Variants in CCT3 observed in about 807,000 individuals in gnomAD.
The protein encoded by CCT3 is chaperonin containing TCP1 subunit 3, also known as T-complex protein 1 subunit gamma.
In CCT3, 10 loss-of-function variants were observed where a neutral mutation model predicts 65.3. The observed-to-expected ratio is 0.15, with a 90% confidence interval of 0.09 to 0.26. The LOEUF is 0.26. Ranked by LOEUF, CCT3 falls within the 10% of genes least tolerant of loss-of-function variation. The pLI, the probability that CCT3 is intolerant of heterozygous loss-of-function variation, is 1.00. For missense variants in CCT3, 626 were observed against 708.7 expected (o/e 0.88, Z 1.33); for synonymous variants, 225 against 242.3 (o/e 0.93, Z 0.66).
intron 6 of CCT3, among the ~76,000 whole-genome samples, chr1:156,324,546 A>C (rs979887209): frequency 1.3e-5 from 2 of 152,036 alleles, no homozygotes; most frequent in Non-Finnish European, 2.9e-5. Context: ...ATCTTGGCTC[A>C]CTGCAATCTC....
intron 6 of CCT3, among the ~76,000 whole-genome samples, chr1:156,322,435 A>G (rs560807079): frequency 6.6e-6 from 1 of 152,140 alleles, no homozygotes; most frequent in East Asian, 1.9e-4. Context: ...CGGAGGTTGC[A>G]GTGAGCCGAG....
chr1:156,320,922 C>A lies in CCT3; in HGVS notation c.526G>T (p.Ala176Ser), dbSNP rs1286676171. The change falls in exon 7 of 14, where the codon GCC (alanine) becomes TCC (serine). Residue 176 changes from alanine to serine, a missense_variant. Coordinates refer to ENST00000295688, the MANE Select transcript of CCT3 (RefSeq NM_005998.5). ...SRWSSLACNI[A>S]LDAVKMVQFE... Reference sequence around the variant, plus strand: ...TGTACCATCTTGACAGCATCCAGGGCAATGTTGCAAGCCAAAGATGACCAC... The same window carrying A: ...TGTACCATCTTGACAGCATCCAGGGAAATGTTGCAAGCCAAAGATGACCAC... 1.9e-6 allele frequency: 3 copies of A among 1,613,932 alleles called. No homozygotes were observed. The highest frequency in any genetic ancestry group is 2.5e-6 in the Non-Finnish European group (3 of 1,179,836).
intron 7 of CCT3, among the ~76,000 whole-genome samples, chr1:156,319,927 T>G (rs1259752400): frequency 6.6e-6 from 1 of 152,150 alleles, no homozygotes; most frequent in Non-Finnish European, 1.5e-5. Context: ...CCTGACCAAA[T>G]GACTGATGTA....
At chr1:156,320,145 C>A (rs1265665326) in intron 7 of CCT3, among the ~76,000 whole-genome samples, 1 of 152,134 alleles carries the variant, frequency 6.6e-6, no homozygotes, top group Non-Finnish European at 1.5e-5. Flanking sequence ...AGTGGCTCAC[C>A]CTATAATCCC....
intron 10 of CCT3, 105 bp from the exon 11 acceptor site, chr1:156,312,326 T>C (rs1249698476): frequency 1.9e-6 from 2 of 1,053,306 alleles, no homozygotes; most frequent in Non-Finnish European, 2.7e-6. Flanking sequence ...AAGTGGATTG[T>C]TGGAAACATC....
At chr1:156,331,267 T>C (rs183609670) in intron 5 of CCT3, among the ~76,000 whole-genome samples, 97 of 151,358 alleles carry the variant, frequency 6.4e-4, no homozygotes, top group African/African-American at 1.5e-3. Flanking sequence ...AGGCAGGAGA[T>C]TGCTTGAGCC....
chr1:156,321,137 G>T, intron 6 of CCT3, 112 bp from the exon 7 acceptor site: 1 of 834,586 alleles, frequency 1.2e-6, no homozygotes. Context: ...AGAACAAGGG[G>T]ATTTGTTCCT....
At chr1:156,331,309 G>C (rs1284618793) in intron 5 of CCT3, among the ~76,000 whole-genome samples, 1 of 151,150 alleles carries the variant, frequency 6.6e-6, no homozygotes, top group African/African-American at 2.4e-5. Flanking sequence ...GGCAACATGA[G>C]ACCCCATCTC....
chr1:156,329,303 C>CTTTTTTTT (rs765770849), intron 5 of CCT3, among the ~76,000 whole-genome samples: 2 of 119,544 alleles, frequency 1.7e-5, no homozygotes, highest in South Asian at 2.9e-4. Flanking sequence ...GTATCCCCAT[C>CTTTTTTTT]TTTTTTTTTT....
chr1:156,326,150 A>G (rs1664795052), intron 5 of CCT3, among the ~76,000 whole-genome samples: 1 of 151,878 alleles, frequency 6.6e-6, no homozygotes, highest in Non-Finnish European at 1.5e-5. Context: ...CCTGAGAAAC[A>G]TAGCAAAACC....
chr1:156,313,690 C>T (rs946571187), intron 10 of CCT3, among the ~76,000 whole-genome samples: 2 of 152,128 alleles, frequency 1.3e-5, no homozygotes, highest in Admixed American at 1.3e-4. Flanking sequence ...GGACAATGCC[C>T]CTGGCTACCC....
At chr1:156,327,107 T>C (rs1013351999) in intron 5 of CCT3, among the ~76,000 whole-genome samples, 19 of 152,148 alleles carry the variant, frequency 1.2e-4, no homozygotes, top group Admixed American at 2.0e-4. Context: ...AAATAACATA[T>C]ACATAGATGC....
chr1:156,329,754 C>T (rs957091155), intron 5 of CCT3, among the ~76,000 whole-genome samples: 1 of 151,092 alleles, frequency 6.6e-6, no homozygotes, highest in African/African-American at 2.4e-5. Context: ...GCCTGACCAA[C>T]ATGGTGAAAC....
chr1:156,326,807 G>A (rs1439049500), intron 5 of CCT3, among the ~76,000 whole-genome samples: 1 of 152,164 alleles, frequency 6.6e-6, no homozygotes, highest in Non-Finnish European at 1.5e-5. Flanking sequence ...AGCACTTTGG[G>A]AAGCCGAGGC....
At chr1:156,331,836 C>T (rs543706300) in intron 5 of CCT3, among the ~76,000 whole-genome samples, 31 of 151,728 alleles carry the variant, frequency 2.0e-4, no homozygotes, top group Admixed American at 1.1e-3. Context: ...GAGTTCGACA[C>T]CAGCCTGACC....
chr1:156,319,412 G>A (rs960029929), intron 7 of CCT3, among the ~76,000 whole-genome samples: 3 of 152,052 alleles, frequency 2.0e-5, no homozygotes, highest in Non-Finnish European at 4.4e-5. Flanking sequence ...CACCACGCCC[G>A]GCCCAGTGTT....
chr1:156,320,898 G>C lies in CCT3; in HGVS notation c.550C>G (p.Gln184Glu). The change falls in exon 7 of 14, where the codon CAG becomes GAG. Residue 184 changes from glutamine to glutamate, a missense_variant. Physicochemically the swap from Gln to Glu is conservative, Grantham distance 29. Transcript: ENST00000295688. ...NIALDAVKMV[Q>E]FEENGRKEID... is the part of the protein sequence containing the mutation. Reference sequence around the variant, plus strand: ...TCTTTCCGACCATTCTCCTCAAACTGTACCATCTTGACAGCATCCAGGGCA... The same window carrying C: ...TCTTTCCGACCATTCTCCTCAAACTCTACCATCTTGACAGCATCCAGGGCA... 1 of 1,613,748 alleles carries C rather than the reference G, an allele frequency of 6.2e-7. No individual in the cohort carries two copies. Among genetic ancestry groups the C allele is most frequent in the South Asian group, 1.1e-5 (1 of 91,058 alleles).
intron 10 of CCT3, among the ~76,000 whole-genome samples, chr1:156,313,343 AAAAAAAG>A (rs1295002175): frequency 9.8e-5 from 11 of 112,800 alleles, no homozygotes; most frequent in Admixed American, 2.9e-4. Context: ...TGTCTCAAAA[AAAAAAAG>A]AAAAAAAAAA....
At chr1:156,330,193 A>G (rs1665048697) in intron 5 of CCT3, among the ~76,000 whole-genome samples, 1 of 152,200 alleles carries the variant, frequency 6.6e-6, no homozygotes, top group African/African-American at 2.4e-5. Flanking sequence ...ATTACAAAAA[A>G]TAAAAAATAA....
Sources: allele counts gnomAD v4.1 joint callset (sites outside exome capture counted in the v4.1 genomes callset), GRCh38; gene constraint gnomAD v4.1.1; transcripts MANE v1.5; gene names NCBI Gene and HGNC (gene_info 2026-07-23, HGNC 2026-07-21).